Variants in PEPD observed in about 807,000 individuals in gnomAD.
PEPD encodes the protein xaa-Pro dipeptidase.
A neutral mutation model predicts 60.7 loss-of-function variants in PEPD; 53 were observed. That is an observed-to-expected ratio of 0.87 (90% CI 0.70 to 1.10). The LOEUF (loss-of-function observed/expected upper bound fraction) is 1.10, where lower values mean the gene tolerates loss of function less well. Ranked by LOEUF, PEPD falls within the 50% of genes least tolerant of loss-of-function variation. The pLI is 0.00. For synonymous variants in PEPD, 267 were observed against 284.1 expected (o/e 0.94, Z 0.60); for missense variants, 711 against 711.9 (o/e 1.00, Z 0.01).
Position 33,493,339 on chromosome 19 carries a change from TAGA to T in PEPD, c.394-5_394-3del, listed in dbSNP as rs762073524. On this transcript the variant is annotated splice_region_variant and splice_polypyrimidine_tract_variant and intron_variant, in intron 4 of 14. Coordinates refer to ENST00000244137, the MANE Select transcript of PEPD (RefSeq NM_000285.4). ...CTGTGACGTCAGGACGCTGGCAATC[TAGA>T]AGGTCGGAAAGAAAAACCCACTTTA... 2.5e-6 allele frequency: 4 copies of T among 1,612,412 alleles called. No homozygotes were observed. The South Asian group carries it at 3.3e-5, about 13-fold the overall frequency.
chr19:33,491,111 A>C (rs1472377471), intron 5 of PEPD, among the ~76,000 whole-genome samples: 2 of 152,216 alleles, frequency 1.3e-5, no homozygotes, highest in Admixed American at 6.5e-5. Context: ...TAAAGCAAAA[A>C]AAAGGGGCCA....
chr19:33,434,104 T>C (rs898922502), intron 9 of PEPD, among the ~76,000 whole-genome samples: 1 of 152,174 alleles, frequency 6.6e-6, no homozygotes, highest in Non-Finnish European at 1.5e-5. Context: ...GTCAGTGGGA[T>C]GGTACGTGCC....
intron 12 of PEPD, among the ~76,000 whole-genome samples, chr19:33,393,527 C>T (rs1388381542): frequency 7.2e-6 from 1 of 138,472 alleles, no homozygotes; most frequent in Non-Finnish European, 1.5e-5. Context: ...AACAGCCCCA[C>T]CTCCGTGAGC....
rs115284359 is a variant in PEPD at position 33,411,867 on chromosome 19, C to G, written c.741-118G>C. 3.2e-3 allele frequency: 2,314 copies of G among 725,080 alleles called. 42 individuals are homozygous for G. The African/African-American group carries it at 0.035, about 11-fold the overall frequency. The allele number at this position is 725,080 out of a possible 1,614,324, so 44.9% of individuals were successfully genotyped here. On this transcript the variant is annotated intron_variant, in intron 10 of 14. Coordinates refer to ENST00000244137, the MANE Select transcript of PEPD (RefSeq NM_000285.4). Reference sequence around the variant, plus strand: ...GCACTGTCCCCACCTCCAGCACAGGCCCAGGCGTGGCTGGACCAGGTCCAC... The same window carrying G: ...GCACTGTCCCCACCTCCAGCACAGGGCCAGGCGTGGCTGGACCAGGTCCAC...
intron 6 of PEPD, among the ~76,000 whole-genome samples, chr19:33,486,707 A>G (rs1305181403): frequency 1.3e-5 from 2 of 152,122 alleles, no homozygotes; most frequent in African/African-American, 2.4e-5. Context: ...CCCAAATGGG[A>G]CAGACCCCAG....
intron 12 of PEPD, 116 bp downstream of exon 12, chr19:33,401,604 TG>T: frequency 1.0e-6 from 1 of 962,576 alleles, no homozygotes; most frequent in Non-Finnish European, 1.6e-6. Flanking sequence ...ACTAAGCATC[TG>T]GAGTGTGGCA....
intron 6 of PEPD, among the ~76,000 whole-genome samples, chr19:33,488,714 T>A (rs528065878): frequency 1.3e-5 from 2 of 152,090 alleles, no homozygotes; most frequent in Non-Finnish European, 2.9e-5. Flanking sequence ...GCTCTTAGCA[T>A]AGGGGGAGGT....
chr19:33,429,234 C>G (rs1969220029), intron 9 of PEPD, among the ~76,000 whole-genome samples: 1 of 152,140 alleles, frequency 6.6e-6, no homozygotes, highest in South Asian at 2.1e-4. Context: ...GCAGCATGAG[C>G]AAGAAATGAG....
At chr19:33,492,250 C>T (rs56054308) in intron 5 of PEPD, among the ~76,000 whole-genome samples, 13,364 of 152,152 alleles carry the variant, frequency 0.088, 628 homozygotes, top group East Asian at 0.14. Flanking sequence ...TCGCACCCCC[C>T]ACCCTAGCCC....
At chr19:33,490,967 C>G (rs2145318557) in intron 5 of PEPD, among the ~76,000 whole-genome samples, 1 of 152,126 alleles carries the variant, frequency 6.6e-6, no homozygotes, top group African/African-American at 2.4e-5. Flanking sequence ...CCAGCCTGGG[C>G]AAGGCATTTT....
chr19:33,486,778 G>A (rs1031125461), intron 6 of PEPD: 4 of 129,162 alleles, frequency 3.1e-5, no homozygotes, highest in Admixed American at 9.5e-5. Context: ...AGCTGGACCA[G>A]GGTCCCAAGG....
chr19:33,414,859 T>C (rs1968855468), intron 9 of PEPD, among the ~76,000 whole-genome samples: 1 of 152,186 alleles, frequency 6.6e-6, no homozygotes. Flanking sequence ...AAATATTTCC[T>C]GAAAAGAAAG....
At chr19:33,480,175 C>T (rs1568492653) in intron 6 of PEPD, among the ~76,000 whole-genome samples, 1 of 152,062 alleles carries the variant, frequency 6.6e-6, no homozygotes, top group Non-Finnish European at 1.5e-5. Context: ...GATTCAAAGA[C>T]ACAAATAGGT....
intron 1 of PEPD, among the ~76,000 whole-genome samples, chr19:33,521,417 C>T (rs1157327166): frequency 1.3e-5 from 2 of 152,246 alleles, no homozygotes; most frequent in Non-Finnish European, 2.9e-5. Flanking sequence ...GGGGTCCTCG[C>T]AACGCCGCCC....
At chr19:33,462,721 C>T (rs1969948895) in intron 9 of PEPD, among the ~76,000 whole-genome samples, 1 of 152,214 alleles carries the variant, frequency 6.6e-6, no homozygotes, top group Non-Finnish European at 1.5e-5. Context: ...AAGTTTCCTG[C>T]AAATGGCAGA....
chr19:33,391,355 C>A lies in PEPD; in HGVS notation c.1092G>T (p.Met364Ile). 1 of 1,610,636 alleles carries A rather than the reference C, an allele frequency of 6.2e-7. No homozygotes were observed. The highest frequency in any genetic ancestry group is 8.5e-7 in the Non-Finnish European group (1 of 1,178,936). ...CCAGGAAGTGGCCAAGCCCGTGAGG[C>A]ATAAACACGGCCCCCAGGTGAGCCT... is the stretch of plus-strand genomic sequence containing the variant. ...MVQAHLGAVF[M>I]PHGLGHFLGI... Residue 364 changes from methionine (M) to isoleucine (I), a missense_variant, in exon 13 of 15, where the codon ATG becomes ATT. Met to Ile is a conservative substitution (Grantham distance 10, BLOSUM62 1). Transcript: ENST00000244137.
chr19:33,468,603 T>C (rs1368058036), intron 7 of PEPD, among the ~76,000 whole-genome samples: 2 of 152,198 alleles, frequency 1.3e-5, no homozygotes, highest in African/African-American at 2.4e-5. Flanking sequence ...GAGCAGCCCA[T>C]GCCAGCCAGC....
chr19:33,506,579 C>T (rs1970816601), intron 3 of PEPD, among the ~76,000 whole-genome samples: 1 of 148,378 alleles, frequency 6.7e-6, no homozygotes, highest in African/African-American at 2.5e-5. Context: ...ACCTACACAC[C>T]ACACACACTC....
rs73926517 is a variant in PEPD at position 33,485,093 on chromosome 19, C to G, written c.503+4903G>C. 8.2e-3 allele frequency among the ~76,000 whole-genome samples: 1,242 copies of G among 152,240 alleles called. 14 individuals are homozygous for G. The highest frequency in any genetic ancestry group is 0.028 in the African/African-American group (1,176 of 41,534). Reference sequence around the variant, plus strand: ...GGCTTCTTTCCGGGCATATCTCACCCAAAGATGAGGCAGCCCCTCCACTCT... The same window carrying G: ...GGCTTCTTTCCGGGCATATCTCACCGAAAGATGAGGCAGCCCCTCCACTCT... On this transcript the variant is annotated intron_variant, in intron 6 of 14. Coordinates refer to ENST00000244137, the MANE Select transcript of PEPD (RefSeq NM_000285.4).
Sources: allele counts gnomAD v4.1 joint callset (sites outside exome capture counted in the v4.1 genomes callset), GRCh38; gene constraint gnomAD v4.1.1; transcripts MANE v1.5; gene names NCBI Gene and HGNC (gene_info 2026-07-23, HGNC 2026-07-21).